Variants in DOCK9 observed in about 807,000 individuals in gnomAD.
DOCK9 encodes the protein dedicator of cytokinesis 9.
Under a neutral mutation model 263.3 loss-of-function variants are expected in DOCK9, and 89 were observed. That is an observed-to-expected ratio of 0.34 (90% CI 0.28 to 0.40). DOCK9 has a LOEUF of 0.40. Ranked by LOEUF, DOCK9 falls within the 10% of genes least tolerant of loss-of-function variation. The pLI, the probability that DOCK9 is intolerant of heterozygous loss-of-function variation, is 1.00. For synonymous variants in DOCK9, 976 were observed against 973.1 expected (o/e 1.00, Z -0.06); for missense variants, 2,140 against 2,603.4 (o/e 0.82, Z 3.87).
At chr13:98,961,426 C>T (rs981797135) in intron 1 of DOCK9, among the ~76,000 whole-genome samples, 2 of 152,178 alleles carry the variant, frequency 1.3e-5, no homozygotes, top group Non-Finnish European at 2.9e-5. Context: ...AGTCCTGCAG[C>T]CCCTTGGGTG....
intron 30 of DOCK9, among the ~76,000 whole-genome samples, chr13:98,866,881 G>A (rs901730797): frequency 2.0e-5 from 3 of 152,164 alleles, no homozygotes; most frequent in Admixed American, 6.5e-5. Context: ...TCCCTGGGAT[G>A]TTACAGCAAT....
intron 38 of DOCK9, among the ~76,000 whole-genome samples, chr13:98,842,164 G>A (rs2093245105): frequency 6.6e-6 from 1 of 152,044 alleles, no homozygotes; most frequent in African/African-American, 2.4e-5. Context: ...AGGTAACAAA[G>A]ACATTTCGGA....
chr13:98,885,534 A>T, intron 20 of DOCK9, 174 bp downstream of exon 20: 1 of 551,568 alleles, frequency 1.8e-6, no homozygotes, highest in Non-Finnish European at 2.7e-6. Flanking sequence ...GAGCTCAAAA[A>T]TTAAAAAAAA....
intron 1 of DOCK9, among the ~76,000 whole-genome samples, chr13:99,035,781 C>T (rs2142091102): frequency 6.6e-6 from 1 of 152,250 alleles, no homozygotes; most frequent in East Asian, 1.9e-4. Context: ...GCCACAGTAC[C>T]CAGATATTTG....
chr13:99,057,007 G>T (rs539786804), intron 1 of DOCK9, among the ~76,000 whole-genome samples: 1 of 152,294 alleles, frequency 6.6e-6, no homozygotes, highest in Admixed American at 6.5e-5. Flanking sequence ...CAAGTAGCTG[G>T]TCTCTCAGAC....
chr13:99,025,700 A>G (rs1184818914), intron 1 of DOCK9, among the ~76,000 whole-genome samples: 1 of 152,242 alleles, frequency 6.6e-6, no homozygotes, highest in Non-Finnish European at 1.5e-5. Context: ...CCACTCCTAG[A>G]TGCCCAACGT....
intron 1 of DOCK9, among the ~76,000 whole-genome samples, chr13:99,007,156 G>C (rs1326868824): frequency 6.6e-6 from 1 of 152,114 alleles, no homozygotes; most frequent in African/African-American, 2.4e-5. Context: ...TTGAGAGGCA[G>C]AGGCGGGTGG....
chr13:98,941,962 T>C (rs2055932348), intron 2 of DOCK9, among the ~76,000 whole-genome samples: 1 of 152,222 alleles, frequency 6.6e-6, no homozygotes, highest in Non-Finnish European at 1.5e-5. Context: ...GGAAATATCA[T>C]CACTGAATTA....
chr13:99,082,527 T>A (rs1470951801), intron 1 of DOCK9, among the ~76,000 whole-genome samples: 5 of 100,304 alleles, frequency 5.0e-5, no homozygotes, highest in African/African-American at 1.2e-4. Flanking sequence ...CTCAAAAAAA[T>A]AATAATAATA....
chr13:99,087,167 C>G (rs1385208037), upstream of DOCK9, among the ~76,000 whole-genome samples: 1 of 152,054 alleles, frequency 6.6e-6, no homozygotes, highest in Non-Finnish European at 1.5e-5. Context: ...CGTCCCTGCT[C>G]GGAACCTGGC....
intron 1 of DOCK9, among the ~76,000 whole-genome samples, chr13:98,991,805 A>C (rs1879875088): frequency 6.6e-6 from 1 of 152,006 alleles, no homozygotes. Flanking sequence ...AGTTAGGCTG[A>C]AACTACGTCA....
intron 12 of DOCK9, 146 bp from the exon 13 acceptor site, chr13:98,902,046 T>C: frequency 8.9e-7 from 1 of 1,119,944 alleles, no homozygotes; most frequent in South Asian, 1.7e-5. Flanking sequence ...AAACAGTTCA[T>C]CATCTGCTCA....
chr13:98,820,335 C>T (rs2092188084), intron 45 of DOCK9, among the ~76,000 whole-genome samples: 1 of 152,068 alleles, frequency 6.6e-6, no homozygotes, highest in Admixed American at 6.5e-5. Flanking sequence ...AGCAAACCGC[C>T]AACAAAATCC....
intron 1 of DOCK9, among the ~76,000 whole-genome samples, chr13:99,083,940 T>C (rs936004335): frequency 3.3e-5 from 5 of 152,236 alleles, no homozygotes; most frequent in Admixed American, 6.5e-5. Context: ...AGAATATTTA[T>C]TGAGCATTTA....
At chr13:98,938,600 C>T (rs935583076) in intron 2 of DOCK9, among the ~76,000 whole-genome samples, 7 of 152,088 alleles carry the variant, frequency 4.6e-5, no homozygotes, top group African/African-American at 1.4e-4. Flanking sequence ...TGGAAAGAAT[C>T]GTTGGGTAAA....
chr13:98,829,298 G>A lies in DOCK9; in HGVS notation c.4965+9C>T. ...AAAAACCCATTCAAGCGGCTGGCAG[G>A]GCTACTACCTCTGAGAGATCGCCAT... On this transcript the variant is annotated intron_variant, in intron 43 of 52. Transcript: ENST00000682017. This position sits in a 1 kb window ranked among gnomAD's most constrained non-coding sequence, Gnocchi z 4.1. The A allele has an allele frequency of 1.2e-6, 2 of 1,608,408 alleles. No individual in the cohort carries two copies. Among genetic ancestry groups the A allele is most frequent in the Non-Finnish European group, 1.7e-6 (2 of 1,177,416 alleles).
intron 15 of DOCK9, among the ~76,000 whole-genome samples, chr13:98,890,992 T>A (rs1478932008): frequency 2.0e-5 from 3 of 152,148 alleles, no homozygotes; most frequent in Admixed American, 2.0e-4. Flanking sequence ...CCGCCTTCCG[T>A]TGAAAAGATG....
At chr13:98,909,295 G>A (rs1467486135) in intron 9 of DOCK9, among the ~76,000 whole-genome samples, 1 of 152,118 alleles carries the variant, frequency 6.6e-6, no homozygotes, top group Non-Finnish European at 1.5e-5. Flanking sequence ...CCCTGACAAG[G>A]TTTTCTTCTT....
At chr13:98,877,204 G>T (rs2043996417) in intron 27 of DOCK9, among the ~76,000 whole-genome samples, 1 of 152,224 alleles carries the variant, frequency 6.6e-6, no homozygotes, top group East Asian at 1.9e-4. Flanking sequence ...CCCTGGGCAG[G>T]TCACTTCACA....
Sources: gnomAD v4.1 joint callset for allele counts (sites outside exome capture counted in the v4.1 genomes callset) on GRCh38, gnomAD v4.1.1 for gene constraint, Gnocchi (gnomAD v3.1) non-coding constraint, MANE v1.5 for transcripts, NCBI Gene and HGNC (gene_info 2026-07-23, HGNC 2026-07-21) for gene names.